The following CEP250 variants were observed in gnomAD, a reference collection of about 807,000 sequenced individuals.
CEP250 encodes centrosome-associated protein CEP250.
Under a neutral mutation model 315.7 loss-of-function variants are expected in CEP250, and 242 were observed. The observed-to-expected ratio is 0.77, with a 90% CI of 0.69 to 0.85. The LOEUF is 0.85. Ranked by LOEUF, CEP250 falls within the 40% of genes least tolerant of loss-of-function variation. The pLI, the probability that CEP250 is intolerant of heterozygous loss-of-function variation, is 0.00. For synonymous variants in CEP250, 1,088 were observed against 1,175.0 expected, an observed-to-expected ratio of 0.93 and a Z score of 1.51; for missense variants, 2,515 against 2,886.4, an observed-to-expected ratio of 0.87 and a Z score of 2.95.
At chr20:35,469,317 ATTTAAACT>A (rs762917694) in intron 9 of CEP250, among the ~76,000 whole-genome samples, 46 of 152,276 alleles carry the variant, frequency 3.0e-4, no homozygotes, top group Non-Finnish European at 5.0e-4. Flanking sequence ...TTGGAAAAAA[ATTTAAACT>A]TTTAGATAGC....
intron 28 of CEP250, among the ~76,000 whole-genome samples, chr20:35,500,702 C>T (rs1265153042): frequency 2.0e-5 from 3 of 152,254 alleles, no homozygotes; most frequent in Non-Finnish European, 4.4e-5. Flanking sequence ...TGAGCCACTG[C>T]GCCCAGCTGC....
intron 14 of CEP250, chr20:35,474,965 G>A (rs6060433): frequency 2.3e-6 from 1 of 432,952 alleles, no homozygotes; most frequent in Non-Finnish European, 4.8e-6. Context: ...GAAGCTTGAA[G>A]GGCTGCCATA....
At chr20:35,510,562 T>C (rs929764494) in intron 34 of CEP250, among the ~76,000 whole-genome samples, 14 of 152,262 alleles carry the variant, frequency 9.2e-5, no homozygotes, top group African/African-American at 3.4e-4. Context: ...CCTTTCAAGT[T>C]GCAGGAATCA....
chr20:35,479,345 G>C lies in CEP250; in HGVS notation c.2209G>C (p.Glu737Gln). The change falls in exon 18 of 35, where the codon GAG becomes CAG. Residue 737 changes from glutamate to glutamine, a missense_variant. Transcript: ENST00000397527. ...CCAGGAGAAGGAGGCCCTAGTACGA[G>C]AGAAAGCGGCTCTAGAGGTGCGGCT... Reference protein sequence around the residue: ...AVQEKEALVREKAALEVRLQA... With the variant: ...AVQEKEALVRQKAALEVRLQA... 1 of 1,614,200 alleles carries C rather than the reference G, an allele frequency of 6.2e-7. No homozygotes were observed. The highest frequency in any genetic ancestry group is 2.2e-5 in the East Asian group (1 of 44,888).
In CEP250 at chr20:35,473,432, A is replaced by G. The variant is rs770187991; in HGVS notation, c.1268A>G (p.His423Arg). 3.1e-6 allele frequency: 5 copies of G among 1,614,170 alleles called. No individual in the cohort carries two copies. Among genetic ancestry groups the G allele is most frequent in the Admixed American group, 3.3e-5 (2 of 60,026 alleles). The change falls in exon 13 of 35, where the codon CAT becomes CGT. Residue 423 changes from histidine to arginine, a missense_variant. Coordinates refer to ENST00000397527, the MANE Select transcript of CEP250 (RefSeq NM_007186.6). ...QEAVNLLQQQ[H>R]DQWEEEGKAL... Reference sequence around the variant, plus strand: ...GCTGTGAACTTGTTGCAACAGCAGCATGATCAGTGGGAGGAAGAGGGCAAA... The same window carrying G: ...GCTGTGAACTTGTTGCAACAGCAGCGTGATCAGTGGGAGGAAGAGGGCAAA...
intron 20 of CEP250, among the ~76,000 whole-genome samples, chr20:35,481,888 C>G (rs375267948): frequency 6.6e-6 from 1 of 151,886 alleles, no homozygotes; most frequent in African/African-American, 2.4e-5. Context: ...TTGGTAGAGA[C>G]AGGGTTTCAC....
chr20:35,479,468 C>T (rs2063277160), intron 18 of CEP250, 44 bp downstream of exon 18: 18 of 1,582,738 alleles, frequency 1.1e-5, no homozygotes, highest in Non-Finnish European at 1.5e-5. Flanking sequence ...GAGAGCTTTG[C>T]AAGGCAAAGG....
At position 35,493,538 on chromosome 20, in the gene CEP250, C is replaced by T; in HGVS notation, c.2999C>T (p.Ser1000Phe). 1 of 1,596,774 alleles carries T rather than the reference C, an allele frequency of 6.3e-7. No individual in the cohort carries two copies. The highest frequency in any genetic ancestry group is 8.5e-7 in the Non-Finnish European group (1 of 1,172,528). The change falls in exon 23 of 35, where the codon TCC (serine) becomes TTC (phenylalanine). Residue 1000 changes from serine to phenylalanine, a missense_variant. Physicochemically the swap from Ser to Phe is radical, Grantham distance 155. Transcript: ENST00000397527. The stretch of plus-strand genomic sequence containing the variant: ...GCTGCCCTCCAAGAAGAGAGCAGCT[C>T]CCTGCTGCAGGATAAGATGGACCTG... ...DLAALQEESS[S>F]LLQDKMDLQK... is the part of the protein sequence containing the mutation.
Position 35,491,343 on chromosome 20 carries a change from G to A in CEP250, c.2886G>A (p.Glu962=), listed in dbSNP as rs894766420. ...ACATGAAAGTCCAGAAATTAAAGGA[G>A]CAGGTATGGAGGGTGGTCTCGGGAG... ...RQDMKVQKLK[E]QETTGILQTQ... The change falls in exon 22 of 35, where the codon GAG becomes GAA. Residue 962 remains glutamate (E), a synonymous_variant. Coordinates refer to ENST00000397527, the MANE Select transcript of CEP250 (RefSeq NM_007186.6). 3 of 1,587,780 alleles carry A rather than the reference G, an allele frequency of 1.9e-6. No individual in the cohort carries two copies. In the African/African-American group the frequency reaches 4.0e-5, roughly 21 times the overall value.
At position 35,470,610 on chromosome 20, in the gene CEP250, G is replaced by A. The variant is rs142320155; in HGVS notation, c.948+624G>A. On this transcript the variant is annotated intron_variant, in intron 10 of 34. Transcript: ENST00000397527. ...ACTAAAAAAATAAAAAAAATTAGCC[G>A]GTCGTGGTGGCACATGCCTATAAAC... Among the ~76,000 whole-genome samples the A allele has an allele frequency of 3.9e-5, 6 of 152,224 alleles. No homozygotes were observed. The East Asian group carries it at 7.7e-4, about 20-fold the overall frequency.
In CEP250 at chr20:35,493,491, C is replaced by T. The variant is rs558854297; in HGVS notation, c.2952C>T (p.Ala984=). ...QEAQRELKEA[A]RQHRDDLAAL... ...CTCAACGGGAGCTGAAGGAGGCAGC[C>T]CGGCAGCACAGAGATGACCTTGCTG... The change falls in exon 23 of 35, where the codon GCC becomes GCT. Residue 984 remains alanine, a synonymous_variant. Transcript: ENST00000397527. 1.6e-5 allele frequency: 26 copies of T among 1,610,074 alleles called. No individual in the cohort carries two copies. The South Asian group carries it at 2.4e-4, about 15-fold the overall frequency.
Position 35,497,892 on chromosome 20 carries a change from G to C in CEP250, c.3480G>C (p.Glu1160Asp). Residue 1160 changes from glutamate (E) to aspartate (D), a missense_variant, in exon 26 of 35, where the codon GAG (glutamate) becomes GAC (aspartate). Coordinates refer to ENST00000397527, the MANE Select transcript of CEP250 (RefSeq NM_007186.6). ...AQLQLRLRSTESQLEALAAEQ... is the reference protein window; with the variant it reads ...AQLQLRLRSTDSQLEALAAEQ... ...TACAGCTGCGACTGCGCAGCACAGA[G>C]AGCCAGCTAGAAGCGCTGGCCGCAG... 6.2e-7 allele frequency: 1 copy of C among 1,606,500 alleles called. No individual in the cohort carries two copies. The highest frequency in any genetic ancestry group is 2.2e-5 in the East Asian group (1 of 44,606).
chr20:35,501,445 G>A lies in CEP250; in HGVS notation c.3899-400G>A, dbSNP rs186537509. Among the ~76,000 whole-genome samples the A allele has an allele frequency of 3.2e-3, 491 of 152,294 alleles. 4 individuals are homozygous for A. Among genetic ancestry groups the A allele is most frequent in the Middle Eastern group, 3.4e-3 (1 of 294 alleles). ...TAATGGGATTCCAACGCCTGTTGCAGAAATGGTGGGCAACCAGCAGAGCCA... is the reference window on the plus strand; with the variant it reads ...TAATGGGATTCCAACGCCTGTTGCAAAAATGGTGGGCAACCAGCAGAGCCA... On this transcript the variant is annotated intron_variant, in intron 28 of 34. Transcript: ENST00000397527.
At chr20:35,471,952 A>G (rs1437511315) in intron 10 of CEP250, 98 bp from the exon 11 acceptor site, 1 of 734,706 alleles carries the variant, frequency 1.4e-6, no homozygotes, top group Non-Finnish European at 2.4e-6. Flanking sequence ...TGGGGCTGAT[A>G]GAATAGACAG....
In CEP250 at chr20:35,511,568, CCCCAGG is replaced by C. The variant is rs1466998880; in HGVS notation, c.7272_7277del (p.Gly2426_Pro2427del). On this transcript the variant is annotated inframe_deletion, in exon 35 of 35. Coordinates refer to ENST00000397527, the MANE Select transcript of CEP250 (RefSeq NM_007186.6). The stretch of plus-strand genomic sequence containing the variant: ...GAGTCCCTGACTCAAAGTCTGACAT[CCCCAGG>C]GCCAGTCCTGCTACACCCCAGCCCC... 1 of 1,613,824 alleles carries C rather than the reference CCCCAGG, an allele frequency of 6.2e-7. No homozygotes were observed. Among genetic ancestry groups the C allele is most frequent in the African/African-American group, 1.3e-5 (1 of 75,040 alleles).
At chr20:35,483,887 T>C (rs1171831895) in intron 20 of CEP250, among the ~76,000 whole-genome samples, 5 of 152,228 alleles carry the variant, frequency 3.3e-5, no homozygotes, top group African/African-American at 9.6e-5. Context: ...TTCACCAAGT[T>C]TTAAATTTCA....
Position 35,511,742 on chromosome 20 carries a change from G to T in CEP250, c.*116G>T. On this transcript the variant is annotated 3_prime_UTR_variant, in exon 35 of 35. Coordinates refer to ENST00000397527, the MANE Select transcript of CEP250 (RefSeq NM_007186.6). ...CTCTGTTAGGCACCCAGGAGCCCCA[G>T]GTCGGCGGGTGTTCCCAGGAAGAGG... 1 of 1,441,510 alleles carries T rather than the reference G, an allele frequency of 6.9e-7. No homozygotes were observed. The allele number at this position is 1,441,510 out of a possible 1,614,324, so 89.3% of individuals were successfully genotyped here.
rs772057106 is a variant in CEP250 at position 35,504,334 on chromosome 20, G to C, written c.5965G>C (p.Glu1989Gln). The C allele has an allele frequency of 2.5e-6, 4 of 1,592,220 alleles. No individual in the cohort carries two copies. Among genetic ancestry groups the C allele is most frequent in the Non-Finnish European group, 3.4e-6 (4 of 1,169,552 alleles). ...GKEQHLLEQAELSRSLEASTA... is the reference protein window; with the variant it reads ...GKEQHLLEQAQLSRSLEASTA... ...AGAGCAGCATCTCCTCGAGCAGGCA[G>C]AATTGAGCCGCAGTCTGGAGGCCAG... The change falls in exon 30 of 35, where the codon GAA becomes CAA. Residue 1989 changes from glutamate (E) to glutamine (Q), a missense_variant. By Grantham distance (29) the Glu-to-Gln change is conservative. Transcript: ENST00000397527.
Position 35,479,793 on chromosome 20 carries a change from G to A in CEP250, c.2416+20G>A, listed in dbSNP as rs2063290849. ...TCCAAGGTGAGAACCCAACTGGGAT[G>A]GGATGCACTCCATTCCATGGAGATG... is the stretch of plus-strand genomic sequence containing the variant. On this transcript the variant is annotated intron_variant, in intron 19 of 34. Transcript: ENST00000397527. The A allele has an allele frequency of 1.2e-6, 2 of 1,613,958 alleles. No homozygotes were observed. The highest frequency in any genetic ancestry group is 1.3e-5 in the African/African-American group (1 of 74,932).
Sources: allele counts gnomAD v4.1 joint callset (sites outside exome capture counted in the v4.1 genomes callset), GRCh38; gene constraint gnomAD v4.1.1; transcripts MANE v1.5; gene names NCBI Gene and HGNC (gene_info 2026-07-23, HGNC 2026-07-21).